CNTN5: variants seen among roughly 807,000 people sequenced by gnomAD.
CNTN5 encodes the protein contactin-5.
Under a neutral mutation model 129.1 loss-of-function variants are expected in CNTN5, and 77 were observed. The ratio of observed to expected loss-of-function variants is 0.60; its 90% CI spans 0.50 to 0.72. The LOEUF (loss-of-function observed/expected upper bound fraction) is 0.72. CNTN5 is among the 30% of genes least tolerant of loss of function. The pLI, the probability that CNTN5 is intolerant of heterozygous loss-of-function variation, is 0.00. For synonymous variants in CNTN5, 509 were observed against 465.6 expected (o/e 1.09, Z -1.20); for missense variants, 1,478 against 1,328.8 (o/e 1.11, Z -1.75).
intron 13 of CNTN5, among the ~76,000 whole-genome samples, chr11:100,177,276 C>T (rs1385434053): frequency 2.0e-5 from 3 of 152,044 alleles, no homozygotes. Context: ...TCTGAGATGC[C>T]TTCCCTAACT....
At chr11:99,321,514 C>T (rs1865568837) in intron 1 of CNTN5, among the ~76,000 whole-genome samples, 1 of 151,878 alleles carries the variant, frequency 6.6e-6, no homozygotes, top group Non-Finnish European at 1.5e-5. Context: ...ATCATATGTC[C>T]ACTGATGTAC....
At chr11:99,502,411 C>T (rs1292910101) in intron 2 of CNTN5, among the ~76,000 whole-genome samples, 5 of 152,098 alleles carry the variant, frequency 3.3e-5, no homozygotes, top group South Asian at 4.1e-4. Flanking sequence ...AATTGAATCA[C>T]GGGGGTTGGG....
intron 4 of CNTN5, among the ~76,000 whole-genome samples, chr11:99,840,812 A>G (rs1947463198): frequency 6.6e-6 from 1 of 152,156 alleles, no homozygotes; most frequent in African/African-American, 2.4e-5. Flanking sequence ...ATCTCCAACA[A>G]GTTATAGATT....
intron 2 of CNTN5, among the ~76,000 whole-genome samples, chr11:99,536,960 G>A (rs1157814117): frequency 6.6e-6 from 1 of 151,676 alleles, no homozygotes; most frequent in Non-Finnish European, 1.5e-5. Flanking sequence ...TTATTAAACT[G>A]GGATATTTTA....
chr11:99,951,567 T>C (rs571343455), intron 7 of CNTN5, among the ~76,000 whole-genome samples: 2 of 152,178 alleles, frequency 1.3e-5, no homozygotes, highest in Non-Finnish European at 1.5e-5. Flanking sequence ...TAACCTCTGA[T>C]AGGGATTGGA....
intron 3 of CNTN5, among the ~76,000 whole-genome samples, chr11:99,580,110 C>T (rs1003130256): frequency 6.6e-6 from 1 of 152,122 alleles, no homozygotes; most frequent in Non-Finnish European, 1.5e-5. Flanking sequence ...GTCTTTGGTT[C>T]TGTTTAGACG....
intron 3 of CNTN5, among the ~76,000 whole-genome samples, chr11:99,674,087 A>C (rs1217819436): frequency 6.6e-6 from 1 of 152,170 alleles, no homozygotes; most frequent in African/African-American, 2.4e-5. Flanking sequence ...GTGTACAAGC[A>C]TTCCTTTTTC....
chr11:99,525,476 T>G (rs1354890748), intron 2 of CNTN5, among the ~76,000 whole-genome samples: 2 of 152,156 alleles, frequency 1.3e-5, no homozygotes, highest in Non-Finnish European at 2.9e-5. Context: ...GTCAAAAACA[T>G]TGTCCAGATA....
chr11:99,754,410 C>A (rs975741188), intron 3 of CNTN5, among the ~76,000 whole-genome samples: 1 of 152,150 alleles, frequency 6.6e-6, no homozygotes, highest in African/African-American at 2.4e-5. Context: ...ACATTCTGAA[C>A]ATTTATAATG....
chr11:99,198,659 T>G (rs1859023749), intron 1 of CNTN5, among the ~76,000 whole-genome samples: 1 of 152,204 alleles, frequency 6.6e-6, no homozygotes, highest in Non-Finnish European at 1.5e-5. Context: ...TTTTGTGTAT[T>G]ATATATAAAA....
chr11:99,615,194 C>T (rs1048209846), intron 3 of CNTN5, among the ~76,000 whole-genome samples: 1 of 151,550 alleles, frequency 6.6e-6, no homozygotes, highest in African/African-American at 2.4e-5. Flanking sequence ...ATCATAAATA[C>T]TTGAAACTAC....
At chr11:99,117,943 C>T (rs763195040) in intron 1 of CNTN5, among the ~76,000 whole-genome samples, 2 of 152,054 alleles carry the variant, frequency 1.3e-5, no homozygotes, top group Admixed American at 6.6e-5. Flanking sequence ...TATAGCAGCC[C>T]GAGCGGACTA....
intron 2 of CNTN5, among the ~76,000 whole-genome samples, chr11:99,375,505 A>G (rs1399335069): frequency 2.0e-5 from 3 of 152,142 alleles, no homozygotes; most frequent in African/African-American, 7.2e-5. Flanking sequence ...AGTTTATTAA[A>G]GAACAATAAA....
At chr11:99,993,688 C>T (rs144481442) in intron 8 of CNTN5, among the ~76,000 whole-genome samples, 1 of 152,222 alleles carries the variant, frequency 6.6e-6, no homozygotes, top group African/African-American at 2.4e-5. Flanking sequence ...TCCTGCTGTG[C>T]AGCCTGGTTC....
intron 8 of CNTN5, among the ~76,000 whole-genome samples, chr11:99,961,716 AATGAGCTTTCCGTGGAAAG>A (rs1364824025): frequency 2.6e-5 from 4 of 152,216 alleles, no homozygotes; most frequent in Admixed American, 6.5e-5. Context: ...TAATAATATG[AATGAGCTTTCCGTGGAAAG>A]ATGAAGTTTT....
chr11:99,583,332 C>CA (rs1375963758), intron 3 of CNTN5, among the ~76,000 whole-genome samples: 1 of 152,174 alleles, frequency 6.6e-6, no homozygotes, highest in Non-Finnish European at 1.5e-5. Flanking sequence ...GCTGGGAGTA[C>CA]CACTACTCTC....
In CNTN5 at chr11:99,868,109, G is replaced by C. The variant is rs1021732057; in HGVS notation, c.577+22847G>C. Among the ~76,000 whole-genome samples, 5 of 152,014 alleles carry C rather than the reference G, an allele frequency of 3.3e-5. No individual in the cohort carries two copies. In the East Asian group the frequency reaches 9.7e-4, roughly 29 times the overall value. On this transcript the variant is annotated intron_variant, in intron 6 of 24. Transcript: ENST00000524871. The stretch of plus-strand genomic sequence containing the variant: ...CATATGCCTATAATCCCAGCTACTC[G>C]GGAAGATGAGGCAGGAGAATCACTT...
At chr11:99,952,685 C>T (rs561375383) in intron 7 of CNTN5, among the ~76,000 whole-genome samples, 2 of 152,150 alleles carry the variant, frequency 1.3e-5, no homozygotes, top group South Asian at 4.2e-4. Flanking sequence ...GCTTGGGCTG[C>T]TGTGCCTGGA....
At chr11:100,162,481 G>C (rs1186657894) in intron 13 of CNTN5, among the ~76,000 whole-genome samples, 1 of 151,844 alleles carries the variant, frequency 6.6e-6, no homozygotes, top group Non-Finnish European at 1.5e-5. Context: ...CTGGCTTCAT[G>C]AATGAAGGCG....
Sources: allele counts gnomAD v4.1 joint callset (sites outside exome capture counted in the v4.1 genomes callset), GRCh38; gene constraint gnomAD v4.1.1; transcripts MANE v1.5; gene names NCBI Gene and HGNC (gene_info 2026-07-23, HGNC 2026-07-21).